Variants in SH3BP5 observed in about 807,000 individuals in gnomAD.
SH3BP5 encodes SH3 domain binding protein 5.
SH3BP5 carries 22 observed loss-of-function variants against 43.3 expected under a neutral mutation model. The observed-to-expected ratio is 0.51, with a 90% CI of 0.36 to 0.73. The LOEUF is 0.73. SH3BP5 is among the 30% of genes least tolerant of loss of function. SH3BP5 has a pLI of 0.00. For missense variants in SH3BP5, 529 were observed against 586.9 expected, an observed-to-expected ratio of 0.90 and a Z score of 1.02; for synonymous variants, 255 against 225.8, an observed-to-expected ratio of 1.13 and a Z score of -1.16.
chr3:15,312,579 T>G lies in SH3BP5; in HGVS notation c.202-8348A>C, dbSNP rs541634407. ...ACCCCTCTTGAACCAAAGACAAGAG[T>G]GTACTTTCAATAAGAATGAAGCAGT... On this transcript the variant is annotated intron_variant, in intron 2 of 8. Coordinates refer to ENST00000383791, the MANE Select transcript of SH3BP5 (RefSeq NM_004844.5). Among the ~76,000 whole-genome samples the G allele has an allele frequency of 2.3e-3, 357 of 152,098 alleles. 2 individuals are homozygous for G. The highest frequency in any genetic ancestry group is 8.3e-3 in the African/African-American group (345 of 41,464).
At chr3:15,270,014 T>C (rs1280507052) in intron 3 of SH3BP5, 137 bp from the exon 4 acceptor site, 2 of 690,490 alleles carry the variant, frequency 2.9e-6, no homozygotes, top group Non-Finnish European at 4.6e-6. Flanking sequence ...CACCCACAGG[T>C]CCTCATAGAT....
At chr3:15,324,408 G>C (rs1401182410) in intron 2 of SH3BP5, among the ~76,000 whole-genome samples, 2 of 152,148 alleles carry the variant, frequency 1.3e-5, no homozygotes, top group Non-Finnish European at 2.9e-5. Context: ...TGACCACCCT[G>C]GTCCCCAGTG....
rs1233752626 is a variant in SH3BP5, at chr3:15,255,752, G to A, written c.*334C>T. The A allele has an allele frequency of 4.7e-6, 1 of 214,712 alleles. No individual in the cohort carries two copies. The highest frequency in any genetic ancestry group is 9.3e-6 in the Non-Finnish European group (1 of 107,176). The allele number at this position is 214,712 out of a possible 1,614,324, so 13.3% of individuals were successfully genotyped here. ...AGAAGAGAAAGAGAAGCAAGCTGTT[G>A]CCCCCACTTTGGCCTGGCTTCCCAG... On this transcript the variant is annotated 3_prime_UTR_variant, in exon 9 of 9. Coordinates refer to ENST00000383791, the MANE Select transcript of SH3BP5 (RefSeq NM_004844.5).
intron 1 of SH3BP5, 73 bp downstream of exon 1, chr3:15,332,198 C>A: frequency 6.5e-7 from 1 of 1,540,698 alleles, no homozygotes; most frequent in Non-Finnish European, 8.7e-7. Flanking sequence ...TGCGAAGTGG[C>A]TGTACGCGTA....
chr3:15,285,576 C>T (rs1452123366), intron 3 of SH3BP5, among the ~76,000 whole-genome samples: 2 of 152,212 alleles, frequency 1.3e-5, no homozygotes, highest in Non-Finnish European at 2.9e-5. Context: ...TTGAAAACTG[C>T]CCAACGCCAT....
intron 1 of SH3BP5, 123 bp downstream of exon 1, chr3:15,332,148 C>G: frequency 6.9e-7 from 1 of 1,447,684 alleles, no homozygotes; most frequent in Non-Finnish European, 9.3e-7. Context: ...TCCTGCCACC[C>G]TATGTGGCCG....
chr3:15,294,308 T>C (rs75172904), intron 3 of SH3BP5, among the ~76,000 whole-genome samples: 1 of 142,856 alleles, frequency 7.0e-6, no homozygotes, highest in Non-Finnish European at 1.5e-5. Flanking sequence ...TGTGTGTGTG[T>C]GTGTGTGTGT....
In SH3BP5 at chr3:15,304,795, A is replaced by G. The variant is rs544009265; in HGVS notation, c.202-564T>C. 1.2e-3 allele frequency among the ~76,000 whole-genome samples: 170 copies of G among 145,712 alleles called. 2 individuals are homozygous for G. Among genetic ancestry groups the G allele is most frequent in the African/African-American group, 4.2e-3 (161 of 38,522 alleles). On this transcript the variant is annotated intron_variant, in intron 2 of 8. Coordinates refer to ENST00000383791, the MANE Select transcript of SH3BP5 (RefSeq NM_004844.5). Reference sequence around the variant, plus strand: ...ATGCCACTGCACTCCAGCCTGGGTGACAGAGCACGACTCTGTCTCAAAAAA... The same window carrying G: ...ATGCCACTGCACTCCAGCCTGGGTGGCAGAGCACGACTCTGTCTCAAAAAA...
At chr3:15,334,287 A>G (rs1049144328), upstream of SH3BP5, among the ~76,000 whole-genome samples, 1 of 152,220 alleles carries the variant, frequency 6.6e-6, no homozygotes, top group Non-Finnish European at 1.5e-5. Flanking sequence ...CTTTCTAAAG[A>G]TAAAATGAGA....
At chr3:15,318,589 G>C (rs1027183102) in intron 2 of SH3BP5, among the ~76,000 whole-genome samples, 3 of 148,674 alleles carry the variant, frequency 2.0e-5, no homozygotes, top group Admixed American at 6.7e-5. Flanking sequence ...TAAGACAAGA[G>C]TCTCGCTTTG....
chr3:15,299,374 A>G (rs911648456), intron 3 of SH3BP5, among the ~76,000 whole-genome samples: 1 of 152,152 alleles, frequency 6.6e-6, no homozygotes, highest in Non-Finnish European at 1.5e-5. Flanking sequence ...TTTCAAGATC[A>G]CAGAACTGGA....
At chr3:15,295,956 T>A (rs999948392) in intron 3 of SH3BP5, among the ~76,000 whole-genome samples, 13 of 126,014 alleles carry the variant, frequency 1.0e-4, no homozygotes, top group Non-Finnish European at 2.3e-4. Context: ...TATAATTGAT[T>A]GTAAGAAACA....
upstream of SH3BP5, among the ~76,000 whole-genome samples, chr3:15,337,100 T>G (rs1285463568): frequency 6.7e-6 from 1 of 148,598 alleles, no homozygotes; most frequent in Non-Finnish European, 1.5e-5. Context: ...TTTTTTTTTT[T>G]TTTTTTTGGG....
intron 7 of SH3BP5, chr3:15,257,725 A>G (rs914533217): frequency 4.6e-5 from 7 of 152,330 alleles, no homozygotes; most frequent in African/African-American, 1.7e-4. Flanking sequence ...CCAAAGTAAC[A>G]AGGCCCAGAC....
chr3:15,265,253 T>C (rs919497476), intron 4 of SH3BP5, among the ~76,000 whole-genome samples: 1 of 152,064 alleles, frequency 6.6e-6, no homozygotes, highest in Non-Finnish European at 1.5e-5. Context: ...ATGGGGCTCA[T>C]GCCTGTAATC....
intron 3 of SH3BP5, among the ~76,000 whole-genome samples, chr3:15,291,366 A>C (rs962641410): frequency 4.6e-5 from 7 of 152,152 alleles, no homozygotes; most frequent in African/African-American, 2.4e-5. Context: ...CTGGCTGATC[A>C]ACACTACAAA....
At chr3:15,266,393 G>C (rs368233353) in intron 4 of SH3BP5, among the ~76,000 whole-genome samples, 2 of 152,218 alleles carry the variant, frequency 1.3e-5, no homozygotes, top group South Asian at 4.1e-4. Flanking sequence ...AGCCACCTGG[G>C]GCTAGTTCAG....
intron 2 of SH3BP5, among the ~76,000 whole-genome samples, chr3:15,329,031 T>C (rs965041526): frequency 6.6e-6 from 1 of 152,024 alleles, no homozygotes; most frequent in Non-Finnish European, 1.5e-5. Flanking sequence ...ACACCTGTAA[T>C]CCCAGCTACT....
In SH3BP5 at chr3:15,255,869, T is replaced by C; in HGVS notation, c.*217A>G. The C allele has an allele frequency of 1.8e-6, 1 of 542,856 alleles. No homozygotes were observed. The highest frequency in any genetic ancestry group is 2.4e-5 in the South Asian group (1 of 41,410). 33.6% of individuals were successfully genotyped at this position (542,856 alleles called of 1,614,324 possible). A position where few individuals can be genotyped will look rare whatever the true frequency, so the allele number is the denominator to read the frequency against. ...TGTTCCACAAAGGCTGTGAACCTAG[T>C]CACAGTCTACCCACAACAAGAACTC... On this transcript the variant is annotated 3_prime_UTR_variant, in exon 9 of 9. Coordinates refer to ENST00000383791, the MANE Select transcript of SH3BP5 (RefSeq NM_004844.5).
Sources: allele counts gnomAD v4.1 joint callset (sites outside exome capture counted in the v4.1 genomes callset), GRCh38; gene constraint gnomAD v4.1.1; transcripts MANE v1.5; gene names NCBI Gene and HGNC (gene_info 2026-07-23, HGNC 2026-07-21).